Variants in CAMK2B observed in about 807,000 individuals in gnomAD.
CAMK2B encodes the protein calcium/calmodulin-dependent protein kinase type II subunit beta.
A neutral mutation model predicts 93.7 loss-of-function variants in CAMK2B; 27 were observed. The observed-to-expected ratio is 0.29, with a 90% CI of 0.21 to 0.40. The LOEUF (loss-of-function observed/expected upper bound fraction) is 0.40. CAMK2B is among the 10% of genes least tolerant of loss of function. The probability of loss-of-function intolerance (pLI) is 1.00; values close to 1 mark genes in which losing one functional copy is unlikely to be tolerated. For missense variants in CAMK2B, 568 were observed against 895.8 expected (o/e 0.63, Z 4.67); for synonymous variants, 374 against 358.8 (o/e 1.04, Z -0.48).
intron 1 of CAMK2B, among the ~76,000 whole-genome samples, chr7:44,298,596 C>A (rs1193100729): frequency 6.6e-6 from 1 of 152,148 alleles, no homozygotes. Context: ...AATGAAAAGA[C>A]AACCCACAGA....
At chr7:44,238,472 G>A (rs1361825643) in intron 13 of CAMK2B, among the ~76,000 whole-genome samples, 3 of 152,212 alleles carry the variant, frequency 2.0e-5, no homozygotes, top group African/African-American at 2.4e-5. Context: ...GGAAAGGCCT[G>A]TCAAATGGAG....
chr7:44,283,006 G>T (rs575285462), intron 2 of CAMK2B, among the ~76,000 whole-genome samples: 2 of 152,176 alleles, frequency 1.3e-5, no homozygotes, highest in African/African-American at 4.8e-5. Context: ...GGCATCATCC[G>T]GCCAGCCCCT....
intron 1 of CAMK2B, among the ~76,000 whole-genome samples, chr7:44,289,910 G>T (rs1279283812): frequency 1.3e-5 from 2 of 152,190 alleles, no homozygotes; most frequent in Non-Finnish European, 2.9e-5. Flanking sequence ...TTCTCTCCCT[G>T]TTCCTCTCTC....
intron 1 of CAMK2B, among the ~76,000 whole-genome samples, chr7:44,307,438 G>A (rs1434818503): frequency 1.3e-5 from 2 of 151,382 alleles, no homozygotes; most frequent in Non-Finnish European, 3.0e-5. Context: ...GGGGAGGAGG[G>A]TGTGAGCAGG....
chr7:44,231,278 G>A (rs1259793616), intron 16 of CAMK2B, among the ~76,000 whole-genome samples: 1 of 152,204 alleles, frequency 6.6e-6, no homozygotes, highest in East Asian at 1.9e-4. Flanking sequence ...GCAGTGACCG[G>A]AGAAGACACC....
At chr7:44,246,765 G>C (rs1334008174) in intron 6 of CAMK2B, among the ~76,000 whole-genome samples, 1 of 151,936 alleles carries the variant, frequency 6.6e-6, no homozygotes, top group African/African-American at 2.4e-5. Context: ...CTCCACCCAG[G>C]CATGCACATA....
intron 4 of CAMK2B, among the ~76,000 whole-genome samples, chr7:44,256,107 G>A (rs1162323715): frequency 1.3e-5 from 2 of 152,040 alleles, no homozygotes; most frequent in African/African-American, 2.4e-5. Context: ...GCTCACCCTC[G>A]CTCACTCCTC....
intron 2 of CAMK2B, among the ~76,000 whole-genome samples, chr7:44,283,814 G>T (rs1034422182): frequency 3.9e-5 from 6 of 152,238 alleles, no homozygotes; most frequent in African/African-American, 9.6e-5. Context: ...ACGGGATGGG[G>T]AGGTGAAAGT....
rs1435547236 is a variant in CAMK2B at position 44,232,942 on chromosome 7, G to T, written c.1132-76C>A. On this transcript the variant is annotated intron_variant, in intron 15 of 23. Transcript: ENST00000395749. ...AGGAGGAAGCGGAGACCACCAGGAG[G>T]GGAACAGGGAGACAGAGGAGGTGTG... 2.3e-6 allele frequency: 3 copies of T among 1,325,840 alleles called. No homozygotes were observed. The African/African-American group carries it at 4.3e-5, about 19-fold the overall frequency. 82.1% of individuals were successfully genotyped at this position (1,325,840 alleles called of 1,614,324 possible). A position where few individuals can be genotyped will look rare whatever the true frequency, so the allele number is the denominator to read the frequency against.
In CAMK2B at chr7:44,217,768, T is replaced by C. The variant is rs1005244868; in HGVS notation, c.*1757A>G. The C allele has an allele frequency of 6.6e-6, 1 of 152,234 alleles. No homozygotes were observed. Among genetic ancestry groups the C allele is most frequent in the East Asian group, 1.9e-4 (1 of 5,190 alleles). 9.4% of individuals were successfully genotyped at this position (152,234 alleles called of 1,614,324 possible). ...TGTAGGGGAAGATAAAGAAAATCCT[T>C]GTTGAAAACAATGTGAATTGAAAGT... is the stretch of plus-strand genomic sequence containing the variant. On this transcript the variant is annotated 3_prime_UTR_variant, in exon 24 of 24. Coordinates refer to ENST00000395749, the MANE Select transcript of CAMK2B (RefSeq NM_001220.5).
At chr7:44,285,920 C>G in intron 1 of CAMK2B, among the ~76,000 whole-genome samples, 1 of 151,506 alleles carries the variant, frequency 6.6e-6, no homozygotes, top group African/African-American at 2.4e-5. Context: ...GTTCACTCCG[C>G]ATTCTCTTGC....
intron 1 of CAMK2B, among the ~76,000 whole-genome samples, chr7:44,302,970 C>T (rs1790483160): frequency 6.6e-6 from 1 of 152,094 alleles, no homozygotes; most frequent in Admixed American, 6.5e-5. Flanking sequence ...ATAAAACTGT[C>T]TTTGTTCATA....
At chr7:44,277,297 C>T (rs1038724619) in intron 2 of CAMK2B, among the ~76,000 whole-genome samples, 4 of 152,186 alleles carry the variant, frequency 2.6e-5, no homozygotes, top group African/African-American at 9.7e-5. Flanking sequence ...TTAATAATCT[C>T]TCATTATTCA....
At chr7:44,259,966 T>C (rs1249416978) in intron 3 of CAMK2B, among the ~76,000 whole-genome samples, 1 of 152,032 alleles carries the variant, frequency 6.6e-6, no homozygotes, top group Non-Finnish European at 1.5e-5. Context: ...AAGCAGCTGA[T>C]AGTCACACAG....
intron 18 of CAMK2B, 175 bp from the exon 19 acceptor site, chr7:44,229,099 T>A: frequency 1.4e-6 from 1 of 714,474 alleles, no homozygotes; most frequent in Non-Finnish European, 2.5e-6. Flanking sequence ...CAAGCTGAGG[T>A]GGAGTGAGGC....
At chr7:44,300,923 A>C (rs1277971648) in intron 1 of CAMK2B, among the ~76,000 whole-genome samples, 2 of 152,242 alleles carry the variant, frequency 1.3e-5, no homozygotes, top group African/African-American at 4.8e-5. Context: ...GTAATCATAT[A>C]AAGTACGCTC....
At position 44,286,752 on chromosome 7, in the gene CAMK2B, T is replaced by C. The variant is rs1377092358; in HGVS notation, c.66-2527A>G. On this transcript the variant is annotated intron_variant, in intron 1 of 23. Transcript: ENST00000395749. The surrounding 1 kb of genome is among the most constrained non-coding windows in gnomAD (Gnocchi z 4.0). ...CAGCCTAGGTCGGAGCAGTCAGCAA[T>C]CGGGGAAGGCGGGGGCAGGGAACAC... Among the ~76,000 whole-genome samples, 2 of 152,060 alleles carry C rather than the reference T, an allele frequency of 1.3e-5. No individual in the cohort carries two copies. The highest frequency in any genetic ancestry group is 4.8e-5 in the African/African-American group (2 of 41,360).
At chr7:44,239,553 C>T (rs753937066) in intron 13 of CAMK2B, 36 bp downstream of exon 13, 27 of 1,514,144 alleles carry the variant, frequency 1.8e-5, no homozygotes, top group Middle Eastern at 2.1e-4. Flanking sequence ...GAGGGACGGG[C>T]GGGAGCGGGC....
intron 1 of CAMK2B, among the ~76,000 whole-genome samples, chr7:44,293,975 G>T (rs1237241694): frequency 6.6e-6 from 1 of 152,200 alleles, no homozygotes; most frequent in East Asian, 1.9e-4. Context: ...GGACCCTCTG[G>T]GTCATGCCGG....
Sources: gnomAD v4.1 joint callset for allele counts (sites outside exome capture counted in the v4.1 genomes callset) on GRCh38, gnomAD v4.1.1 for gene constraint, Gnocchi (gnomAD v3.1) non-coding constraint, MANE v1.5 for transcripts, NCBI Gene and HGNC (gene_info 2026-07-23, HGNC 2026-07-21) for gene names.